AGPAT3: variants seen among roughly 807,000 people sequenced by gnomAD.
AGPAT3 encodes 1-acyl-sn-glycerol-3-phosphate acyltransferase gamma.
In AGPAT3, 5 loss-of-function variants were observed where a neutral mutation model predicts 47.3. The observed-to-expected ratio is 0.11, with a 90% CI of 0.06 to 0.22. AGPAT3 has a LOEUF of 0.22. AGPAT3 is among the 10% of genes least tolerant of loss of function. AGPAT3 has a pLI of 1.00. For missense variants in AGPAT3, 315 were observed against 493.0 expected (o/e 0.64, Z 3.42); for synonymous variants, 212 against 208.3 (o/e 1.02, Z -0.15).
rs1002344941 is a variant in AGPAT3 at position 43,954,098 on chromosome 21, G to A, written c.-48-5536G>A. 1.3e-5 allele frequency among the ~76,000 whole-genome samples: 2 copies of A among 152,254 alleles called. No homozygotes were observed. Among genetic ancestry groups the A allele is most frequent in the Admixed American group, 6.5e-5 (1 of 15,288 alleles). Reference sequence around the variant, plus strand: ...CTAAAAATCGCTCTCATGGGCTCACGAGCAAATGCTCTAGGGGGCCACTGA... The same window carrying A: ...CTAAAAATCGCTCTCATGGGCTCACAAGCAAATGCTCTAGGGGGCCACTGA... On this transcript the variant is annotated intron_variant, in intron 2 of 9. Coordinates refer to ENST00000291572, the MANE Select transcript of AGPAT3 (RefSeq NM_020132.5). The surrounding 1 kb of genome is among the most constrained non-coding windows in gnomAD (Gnocchi z 4.0).
intron 3 of AGPAT3, among the ~76,000 whole-genome samples, chr21:43,964,201 A>G (rs1024843268): frequency 1.5e-4 from 22 of 151,504 alleles, no homozygotes; most frequent in African/African-American, 5.1e-4. Context: ...CCTGGTCAAC[A>G]TGGTGAAACC....
Position 43,980,989 on chromosome 21 carries a change from G to C in AGPAT3, c.844G>C (p.Asp282His). 1 of 1,613,986 alleles carries C rather than the reference G, an allele frequency of 6.2e-7. No homozygotes were observed. ...CCTTTTTCTCTGTTGACTCTTCTAG[G>C]ACGCGCTCCAGGAGATATATAATCA... ...QWLHKLYQEK[D>H]ALQEIYNQKG... The change falls in exon 9 of 10, where the codon GAC (aspartate) becomes CAC (histidine). Residue 282 changes from aspartate to histidine, a missense_variant and splice_region_variant. Coordinates refer to ENST00000291572, the MANE Select transcript of AGPAT3 (RefSeq NM_020132.5).
At chr21:43,931,244 T>A (rs1308271993) in intron 2 of AGPAT3, among the ~76,000 whole-genome samples, 1 of 152,148 alleles carries the variant, frequency 6.6e-6, no homozygotes, top group African/African-American at 2.4e-5. Flanking sequence ...GCTAGTGACG[T>A]CCCACTGCTG....
intron 1 of AGPAT3, among the ~76,000 whole-genome samples, chr21:43,872,159 T>A (rs1474777149): frequency 6.6e-6 from 1 of 152,018 alleles, no homozygotes; most frequent in Non-Finnish European, 1.5e-5. Flanking sequence ...TTATTATTGT[T>A]CTTGCTTTTG....
rs1012374080 is a variant in AGPAT3, at chr21:43,920,943, A to C, written c.-49+16924A>C. 6.6e-6 allele frequency among the ~76,000 whole-genome samples: 1 copy of C among 152,106 alleles called. No individual in the cohort carries two copies. The highest frequency in any genetic ancestry group is 1.5e-5 in the Non-Finnish European group (1 of 67,988). ...GATCAAGACCACGGTGAAACCCCAT[A>C]TCTACTAAAAATACAAAAACTTAGC... On this transcript the variant is annotated intron_variant, in intron 2 of 9. Coordinates refer to ENST00000291572, the MANE Select transcript of AGPAT3 (RefSeq NM_020132.5). The surrounding 1 kb of genome is among the most constrained non-coding windows in gnomAD (Gnocchi z 6.1).
At chr21:43,875,138 G>A (rs1050169236) in intron 1 of AGPAT3, among the ~76,000 whole-genome samples, 2 of 151,998 alleles carry the variant, frequency 1.3e-5, no homozygotes, top group Non-Finnish European at 2.9e-5. Context: ...CCACCACCAC[G>A]CCTGGGGTAA....
chr21:43,973,489 T>G (rs1447472891), intron 7 of AGPAT3, among the ~76,000 whole-genome samples: 1 of 152,100 alleles, frequency 6.6e-6, no homozygotes, highest in Non-Finnish European at 1.5e-5. Context: ...CTGTCCAAGG[T>G]CAGCACTGGC....
chr21:43,928,410 C>T (rs760270320), intron 2 of AGPAT3, among the ~76,000 whole-genome samples: 7 of 152,192 alleles, frequency 4.6e-5, no homozygotes, highest in Admixed American at 2.0e-4. Flanking sequence ...CCCGTCACCC[C>T]GAGGGAGTGA....
At position 43,870,493 on chromosome 21, in the gene AGPAT3, C is replaced by G. The variant is rs189881358; in HGVS notation, c.-112+5148C>G. On this transcript the variant is annotated intron_variant, in intron 1 of 9. Coordinates refer to ENST00000291572, the MANE Select transcript of AGPAT3 (RefSeq NM_020132.5). ...TTGGGAGGCTGAGGCACGTGGATCA[C>G]TTGAGGTCAGGAGTTCGAGACCAGA... Among the ~76,000 whole-genome samples the G allele has an allele frequency of 4.0e-3, 605 of 151,812 alleles. 3 individuals carry two copies. Among genetic ancestry groups the G allele is most frequent in the African/African-American group, 0.013 (524 of 41,356 alleles).
rs116219941 is a variant in AGPAT3 at position 43,986,722 on chromosome 21, G to C, written c.*4330G>C. 5.0e-3 allele frequency among the ~76,000 whole-genome samples: 759 copies of C among 152,332 alleles called. 7 individuals are homozygous for C. The highest frequency in any genetic ancestry group is 0.016 in the African/African-American group (671 of 41,556). ...CCACACAAACCATTGACCTGAGTGC[G>C]CATGACAGCCACTGGCTTCTTTTTC... On this transcript the variant is annotated 3_prime_UTR_variant, in exon 10 of 10. Coordinates refer to ENST00000291572, the MANE Select transcript of AGPAT3 (RefSeq NM_020132.5).
At chr21:43,972,046 G>A (rs1242747154) in intron 7 of AGPAT3, among the ~76,000 whole-genome samples, 1 of 152,228 alleles carries the variant, frequency 6.6e-6, no homozygotes, top group Non-Finnish European at 1.5e-5. Context: ...CGCTGGTGAT[G>A]GGAGTGGCTT....
intron 7 of AGPAT3, among the ~76,000 whole-genome samples, chr21:43,976,105 T>TCACC (rs1282731828): frequency 2.6e-5 from 4 of 151,968 alleles, no homozygotes; most frequent in Non-Finnish European, 5.9e-5. Flanking sequence ...TCTCGCTCTG[T>TCACC]CACCCAGGCT....
At chr21:43,962,935 C>T (rs1214297925) in intron 3 of AGPAT3, among the ~76,000 whole-genome samples, 3 of 144,154 alleles carry the variant, frequency 2.1e-5, no homozygotes, top group Admixed American at 1.4e-4. Flanking sequence ...AGTAGAACTG[C>T]TCTCAGTGAG....
rs556561220 is a variant in AGPAT3 at position 43,953,551 on chromosome 21, G to A, written c.-48-6083G>A. Among the ~76,000 whole-genome samples, 72 of 152,292 alleles carry A rather than the reference G, an allele frequency of 4.7e-4. 1 individual carries two copies. Among genetic ancestry groups the A allele is most frequent in the Admixed American group, 1.0e-3 (16 of 15,302 alleles). ...AGGGTGATCAATAAAAGACTTTCAAGCCTAATGTTAAGCAAAAGAGACTTT... is the reference window on the plus strand; with the variant it reads ...AGGGTGATCAATAAAAGACTTTCAAACCTAATGTTAAGCAAAAGAGACTTT... On this transcript the variant is annotated intron_variant, in intron 2 of 9. Coordinates refer to ENST00000291572, the MANE Select transcript of AGPAT3 (RefSeq NM_020132.5).
At chr21:43,909,267 G>A (rs1004285298) in intron 2 of AGPAT3, among the ~76,000 whole-genome samples, 3 of 151,388 alleles carry the variant, frequency 2.0e-5, no homozygotes, top group South Asian at 4.2e-4. Flanking sequence ...ACTGGCCGGC[G>A]GTGGGCCACT....
chr21:43,881,088 A>G (rs1405987900), intron 1 of AGPAT3, among the ~76,000 whole-genome samples: 1 of 152,228 alleles, frequency 6.6e-6, no homozygotes, highest in Non-Finnish European at 1.5e-5. Context: ...GTCACTTATT[A>G]TGTATTTATT....
intron 1 of AGPAT3, among the ~76,000 whole-genome samples, chr21:43,869,318 C>T (rs1397854441): frequency 6.6e-6 from 1 of 152,118 alleles, no homozygotes; most frequent in Non-Finnish European, 1.5e-5. Flanking sequence ...GGCCATTGTC[C>T]TAGTCTAATT....
Position 43,955,195 on chromosome 21 carries a change from G to C in AGPAT3, c.-48-4439G>C, listed in dbSNP as rs1470264523. 1.6e-6 allele frequency: 2 copies of C among 1,258,396 alleles called. No homozygotes were observed. The allele number at this position is 1,258,396 out of a possible 1,614,324, so 78.0% of individuals were successfully genotyped here. On this transcript the variant is annotated intron_variant, in intron 2 of 9. Transcript: ENST00000291572. This position sits in a 1 kb window ranked among gnomAD's most constrained non-coding sequence, Gnocchi z 4.1. Reference sequence around the variant, plus strand: ...GTCTCAGAAGCACCGCGCTGGACCGGCTGGGCCAGATGCCATGGGATTCTG... The same window carrying C: ...GTCTCAGAAGCACCGCGCTGGACCGCCTGGGCCAGATGCCATGGGATTCTG...
chr21:43,924,808 T>C (rs2087000509), intron 2 of AGPAT3, among the ~76,000 whole-genome samples: 1 of 152,212 alleles, frequency 6.6e-6, no homozygotes, highest in African/African-American at 2.4e-5. Flanking sequence ...GCTGTCACCC[T>C]GTGGGCTGAG....
Sources: gnomAD v4.1 joint callset for allele counts (sites outside exome capture counted in the v4.1 genomes callset) on GRCh38, gnomAD v4.1.1 for gene constraint, Gnocchi (gnomAD v3.1) non-coding constraint, MANE v1.5 for transcripts, NCBI Gene and HGNC (gene_info 2026-07-23, HGNC 2026-07-21) for gene names.